ADGRL3: variants seen among roughly 807,000 people sequenced by gnomAD.
ADGRL3 encodes calcium-independent alpha-latrotoxin receptor 3.
In ADGRL3, 62 loss-of-function variants were observed where a neutral mutation model predicts 153.5. The ratio of observed to expected loss-of-function variants is 0.40; its 90% CI spans 0.33 to 0.50. ADGRL3 has a LOEUF of 0.50. ADGRL3 is among the 20% of genes least tolerant of loss of function. The pLI, the probability that ADGRL3 is intolerant of heterozygous loss-of-function variation, is 0.47. For missense variants in ADGRL3, 1,641 were observed against 1,859.4 expected, an observed-to-expected ratio of 0.88 and a Z score of 2.16; for synonymous variants, 710 against 672.5, an observed-to-expected ratio of 1.06 and a Z score of -0.86.
At position 61,618,739 on chromosome 4, in the gene ADGRL3, C is replaced by T. The variant is rs150029621; in HGVS notation, c.473+31299C>T. ...TCGTTTGTTTGTTTTGTTTTTGAGA[C>T]AAAGTCTCACTCCATCACCCAAGCT... On this transcript the variant is annotated intron_variant, in intron 5 of 26. Coordinates refer to ENST00000683033, the MANE Select transcript of ADGRL3 (RefSeq NM_001387552.1). Among the ~76,000 whole-genome samples the T allele has an allele frequency of 1.2e-3, 177 of 152,196 alleles. 3 individuals carry two copies. In the East Asian group the frequency reaches 0.03, roughly 26 times the overall value.
At chr4:61,855,818 A>G (rs956421975) in intron 9 of ADGRL3, among the ~76,000 whole-genome samples, 2 of 152,136 alleles carry the variant, frequency 1.3e-5, no homozygotes, top group South Asian at 4.1e-4. Context: ...TTTCTAGGCT[A>G]TAGGGATATA....
chr4:61,532,822 A>G, intron 4 of ADGRL3, among the ~76,000 whole-genome samples: 1 of 151,916 alleles, frequency 6.6e-6, no homozygotes. Context: ...ATCTCAGCGG[A>G]TCAGCAGGGA....
At chr4:61,875,853 TG>T (rs979398704) in intron 9 of ADGRL3, among the ~76,000 whole-genome samples, 1 of 152,202 alleles carries the variant, frequency 6.6e-6, no homozygotes, top group Non-Finnish European at 1.5e-5. Context: ...AAGTGTACTT[TG>T]CACTTTTTTA....
In ADGRL3 at chr4:61,654,171, GTAGT is replaced by G. The variant is rs1158184545; in HGVS notation, c.474-22648_474-22645del. On this transcript the variant is annotated intron_variant, in intron 5 of 26. Coordinates refer to ENST00000683033, the MANE Select transcript of ADGRL3 (RefSeq NM_001387552.1). ...AATTTCTCATATTATGTACCTACTG[GTAGT>G]TAGTTAATTCAGAAATTTGAAACTT... Among the ~76,000 whole-genome samples the G allele has an allele frequency of 2.6e-5, 4 of 152,066 alleles. No homozygotes were observed. In the East Asian group the frequency reaches 5.8e-4, roughly 22 times the overall value.
At chr4:61,302,570 T>TTTAA (rs1406578755) in intron 1 of ADGRL3, among the ~76,000 whole-genome samples, 3 of 152,158 alleles carry the variant, frequency 2.0e-5, no homozygotes, top group Non-Finnish European at 4.4e-5. Flanking sequence ...TTTTTAAAGA[T>TTTAA]TTAACTTCAC....
At chr4:61,792,353 A>G (rs1362377554) in intron 8 of ADGRL3, among the ~76,000 whole-genome samples, 1 of 152,200 alleles carries the variant, frequency 6.6e-6, no homozygotes, top group Non-Finnish European at 1.5e-5. Context: ...CCAATTCCCA[A>G]CAAGTTCTTC....
chr4:61,295,679 G>A (rs1007971922), intron 1 of ADGRL3, among the ~76,000 whole-genome samples: 2 of 151,894 alleles, frequency 1.3e-5, no homozygotes, highest in African/African-American at 2.4e-5. Context: ...AGCGGGCTGG[G>A]CACAGTGGCT....
At chr4:61,971,516 C>A (rs1380510184) in intron 17 of ADGRL3, among the ~76,000 whole-genome samples, 2 of 152,116 alleles carry the variant, frequency 1.3e-5, no homozygotes, top group Non-Finnish European at 2.9e-5. Context: ...CATAGTATTC[C>A]ATGGTATATA....
chr4:61,350,880 A>C (rs961344353), intron 1 of ADGRL3, among the ~76,000 whole-genome samples: 1 of 152,070 alleles, frequency 6.6e-6, no homozygotes, highest in Non-Finnish European at 1.5e-5. Flanking sequence ...TTTTTAAATT[A>C]CACCAATTAA....
chr4:61,733,350 G>C lies in ADGRL3; in HGVS notation c.1195G>C (p.Asp399His). The change falls in exon 8 of 27, where the codon GAC (aspartate) becomes CAC (histidine). Residue 399 changes from aspartate (D) to histidine (H), a missense_variant. Physicochemically the swap from Asp to His is moderately conservative, Grantham distance 81 (BLOSUM62 -1). Around this residue, in one of 5 missense-constraint regions of ADGRL3, gnomAD observed 734 missense variants for 797.0 expected, o/e 0.92. Coordinates refer to ENST00000683033, the MANE Select transcript of ADGRL3 (RefSeq NM_001387552.1). ...GGTCAAATCTGTATATGAGGATGAT[G>C]ACAATGAGGCTACTGGAAATAAGAT... ...YVVKSVYEDD[D>H]NEATGNKIDY... 1 of 1,613,626 alleles carries C rather than the reference G, an allele frequency of 6.2e-7. No homozygotes were observed. The highest frequency in any genetic ancestry group is 1.1e-5 in the South Asian group (1 of 91,054).
At chr4:61,662,870 C>A (rs1283147830) in intron 5 of ADGRL3, among the ~76,000 whole-genome samples, 3 of 152,192 alleles carry the variant, frequency 2.0e-5, no homozygotes, top group Admixed American at 6.5e-5. Context: ...CACTGTGGGT[C>A]TCCTCTCTGC....
At chr4:61,310,581 C>T (rs1302493768) in intron 1 of ADGRL3, among the ~76,000 whole-genome samples, 3 of 152,042 alleles carry the variant, frequency 2.0e-5, no homozygotes, top group Non-Finnish European at 4.4e-5. Context: ...TATTAGTTTT[C>T]TCAAGCAGTC....
intron 2 of ADGRL3, among the ~76,000 whole-genome samples, chr4:61,484,238 T>G (rs1190220590): frequency 6.6e-6 from 1 of 152,178 alleles, no homozygotes; most frequent in Non-Finnish European, 1.5e-5. Flanking sequence ...AACAAATGGA[T>G]CCATTCCACT....
chr4:61,394,765 A>T lies in ADGRL3; in HGVS notation c.-174+11576A>T, dbSNP rs139805061. ...TGAGAACAATAATGCAATTAGCTAA[A>T]ATGTTTATTCACAAAATTTAATTCC... On this transcript the variant is annotated intron_variant, in intron 2 of 26. Coordinates refer to ENST00000683033, the MANE Select transcript of ADGRL3 (RefSeq NM_001387552.1). 5.6e-3 allele frequency among the ~76,000 whole-genome samples: 856 copies of T among 152,178 alleles called. 10 individuals carry two copies. The highest frequency in any genetic ancestry group is 0.019 in the African/African-American group (787 of 41,566).
chr4:61,449,097 T>G (rs1245496065), intron 2 of ADGRL3, among the ~76,000 whole-genome samples: 1 of 151,980 alleles, frequency 6.6e-6, no homozygotes, highest in Non-Finnish European at 1.5e-5. Flanking sequence ...ATTCAAGGAC[T>G]GTCCTTTTAT....
chr4:61,779,436 C>G (rs1414790015), intron 8 of ADGRL3, among the ~76,000 whole-genome samples: 3 of 151,534 alleles, frequency 2.0e-5, no homozygotes, highest in Non-Finnish European at 4.4e-5. Flanking sequence ...AGTTTGAGAC[C>G]AGCCTGGCCA....
chr4:61,753,369 A>C (rs1478692509), intron 8 of ADGRL3, among the ~76,000 whole-genome samples: 1 of 152,208 alleles, frequency 6.6e-6, no homozygotes. Flanking sequence ...ATGAGAATGG[A>C]AGTAGCCATT....
intron 1 of ADGRL3, among the ~76,000 whole-genome samples, chr4:61,359,612 A>C (rs1318046406): frequency 6.6e-6 from 1 of 152,012 alleles, no homozygotes. Context: ...TCAGGTTTTT[A>C]CTCGAATTTT....
Position 61,532,555 on chromosome 4 carries a change from C to CGTGTGTGT in ADGRL3, c.259+15050_259+15057dup, listed in dbSNP as rs56053700. On this transcript the variant is annotated intron_variant, in intron 4 of 26. Transcript: ENST00000683033. ...ATGCGCGCGCGCGCGCGCGCGCGCGCGTGTGTGTGTGTGTGTGTGTTTAAG... is the reference window on the plus strand; with the variant it reads ...ATGCGCGCGCGCGCGCGCGCGCGCGCGTGTGTGTGTGTGTGTGTGTGTGTGTGTTTAAG... Among the ~76,000 whole-genome samples the CGTGTGTGT allele has an allele frequency of 9.1e-4, 119 of 131,452 alleles. 1 individual carries two copies. Among genetic ancestry groups the CGTGTGTGT allele is most frequent in the African/African-American group, 1.6e-3 (55 of 35,236 alleles). The allele number at this position is 131,452 out of a possible 152,430, so 86.2% of individuals were successfully genotyped here.
Sources: allele counts gnomAD v4.1 joint callset (sites outside exome capture counted in the v4.1 genomes callset), GRCh38; gene constraint gnomAD v4.1.1; regional missense constraint gnomAD v4.1.1; transcripts MANE v1.5; gene names NCBI Gene and HGNC (gene_info 2026-07-23, HGNC 2026-07-21).